The following TTLL4 variants were observed in gnomAD, a reference collection of about 807,000 sequenced individuals.
The protein encoded by TTLL4 is tubulin tyrosine ligase like 4, also known as tubulin monoglutamylase TTLL4.
Under a neutral mutation model 122.7 loss-of-function variants are expected in TTLL4, and 85 were observed. The ratio of observed to expected loss-of-function variants is 0.69; its 90% CI spans 0.58 to 0.83. TTLL4 has a LOEUF of 0.83. TTLL4 is among the 40% of genes least tolerant of loss of function. The pLI is 0.00. For missense variants in TTLL4, 1,363 were observed against 1,488.6 expected (o/e 0.92, Z 1.39); for synonymous variants, 553 against 563.0 (o/e 0.98, Z 0.25).
intron 1 of TTLL4, among the ~76,000 whole-genome samples, chr2:218,726,737 GAT>G (rs1218017901): frequency 1.3e-5 from 2 of 152,080 alleles, no homozygotes; most frequent in Admixed American, 6.5e-5. Flanking sequence ...AAAGTGCTGG[GAT>G]TATAGGCGTG....
intron 1 of TTLL4, among the ~76,000 whole-genome samples, chr2:218,719,523 C>T (rs1184771029): frequency 6.7e-6 from 1 of 148,660 alleles, no homozygotes; most frequent in Non-Finnish European, 1.5e-5. Context: ...AAGACCAGCG[C>T]AGTTCACATA....
chr2:218,749,278 C>G lies in TTLL4; in HGVS notation c.2626C>G (p.Leu876Val). 3 of 1,614,182 alleles carry G rather than the reference C, an allele frequency of 1.9e-6. No individual in the cohort carries two copies. Among genetic ancestry groups the G allele is most frequent in the Non-Finnish European group, 2.5e-6 (3 of 1,180,034 alleles). Residue 876 changes from leucine to valine, a missense_variant, in exon 14 of 20, where the codon CTC (leucine) becomes GTC (valine). By Grantham distance (32) the Leu-to-Val change is conservative. This residue lies in a region of TTLL4 where 596 missense variants were observed against 655.8 expected (regional missense o/e 0.91). Coordinates refer to ENST00000392102, the MANE Select transcript of TTLL4 (RefSeq NM_014640.5). ...ISSEPYVTSL[L>V]KMYVRRPYSC... ...GTCAGAGCCCTATGTGACCAGCCTG[C>G]TCAAGATGTATGTGCGACGGCCCTA... is the stretch of plus-strand genomic sequence containing the variant.
At chr2:218,731,492 A>C (rs964127467) in intron 2 of TTLL4, among the ~76,000 whole-genome samples, 1 of 151,958 alleles carries the variant, frequency 6.6e-6, no homozygotes. Context: ...GTCCTCGCTG[A>C]AGTTTTGTAG....
In TTLL4 at chr2:218,755,123, C is replaced by T. The variant is rs1943126185; in HGVS notation, c.*734C>T. 1 of 152,268 alleles carries T rather than the reference C, an allele frequency of 6.6e-6. No individual in the cohort carries two copies. The highest frequency in any genetic ancestry group is 2.1e-4 in the South Asian group (1 of 4,836). 9.4% of individuals were successfully genotyped at this position (152,268 alleles called of 1,614,324 possible). A position where few individuals can be genotyped will look rare whatever the true frequency, so the allele number is the denominator to read the frequency against. On this transcript the variant is annotated 3_prime_UTR_variant, in exon 20 of 20. Coordinates refer to ENST00000392102, the MANE Select transcript of TTLL4 (RefSeq NM_014640.5). ...GGGTCTATGAACTTTGTGAATTTCC[C>T]ATGGCCCCAGTGAAGGAGCCCAGAT...
At chr2:218,735,775 C>T (rs545608911) in intron 2 of TTLL4, among the ~76,000 whole-genome samples, 5 of 151,376 alleles carry the variant, frequency 3.3e-5, no homozygotes, top group South Asian at 2.1e-4. Context: ...CGAGGTCAAG[C>T]GATTCTCCTG....
chr2:218,712,409 CAG>C (rs1941736306), intron 1 of TTLL4, among the ~76,000 whole-genome samples: 1 of 147,330 alleles, frequency 6.8e-6, no homozygotes, highest in African/African-American at 2.5e-5. Flanking sequence ...TTTTTTGAGA[CAG>C]AGTCTTGCTC....
In TTLL4 at chr2:218,747,531, G is replaced by A. The variant is rs1215314997; in HGVS notation, c.2250-66G>A. The A allele has an allele frequency of 3.7e-5, 59 of 1,594,388 alleles. No individual in the cohort carries two copies. Among genetic ancestry groups the A allele is most frequent in the Non-Finnish European group, 4.7e-5 (55 of 1,169,914 alleles). Reference sequence around the variant, plus strand: ...TGGGGACTGTTAGCTGGCTTTTCCTGTGGCTTGGTTACCCACTGAGCCCCA... The same window carrying A: ...TGGGGACTGTTAGCTGGCTTTTCCTATGGCTTGGTTACCCACTGAGCCCCA... On this transcript the variant is annotated intron_variant, in intron 10 of 19. Coordinates refer to ENST00000392102, the MANE Select transcript of TTLL4 (RefSeq NM_014640.5). The surrounding 1 kb of genome is among the most constrained non-coding windows in gnomAD (Gnocchi z 4.7).
intron 1 of TTLL4, among the ~76,000 whole-genome samples, chr2:218,717,574 T>TC (rs1941900263): frequency 6.6e-6 from 1 of 152,230 alleles, no homozygotes; most frequent in Admixed American, 6.5e-5. Context: ...TAAACTGTGC[T>TC]CTACAAGAGC....
chr2:218,714,523 CCTTTT>C (rs1316090881), intron 1 of TTLL4, among the ~76,000 whole-genome samples: 1 of 152,102 alleles, frequency 6.6e-6, no homozygotes, highest in Non-Finnish European at 1.5e-5. Flanking sequence ...TTACTTCTTA[CCTTTT>C]CTTCTGGCAG....
At chr2:218,753,702 G>T in intron 19 of TTLL4, 33 bp downstream of exon 19, 1 of 1,609,198 alleles carries the variant, frequency 6.2e-7, no homozygotes, top group Non-Finnish European at 8.5e-7. Flanking sequence ...AGGGGCTGCT[G>T]GCTGTGAGTT....
chr2:218,748,759 CTCT>C (rs1364849613), intron 12 of TTLL4, 74 bp from the exon 13 acceptor site: 11 of 1,264,346 alleles, frequency 8.7e-6, no homozygotes, highest in Admixed American at 2.0e-5. Context: ...ACCATTAGGT[CTCT>C]TCTTCGTTTT....
chr2:218,749,482 T>TC (rs1942957390), intron 14 of TTLL4, 95 bp downstream of exon 14: 3 of 1,474,906 alleles, frequency 2.0e-6, no homozygotes, highest in South Asian at 2.7e-5. Flanking sequence ...TTTTTTTTTT[T>TC]CTTTGAGATG....
In TTLL4 at chr2:218,745,753, A is replaced by C. The variant is rs777544947; in HGVS notation, c.1849A>C (p.Asn617His). Residue 617 changes from asparagine (N) to histidine (H), a missense_variant, in exon 7 of 20, where the codon AAC (asparagine) becomes CAC (histidine). Physicochemically the swap from Asn to His is moderately conservative, Grantham distance 68. Coordinates refer to ENST00000392102, the MANE Select transcript of TTLL4 (RefSeq NM_014640.5). Reference protein sequence around the residue: ...LRWKMSTVTPNIVKQTIGRSH... With the variant: ...LRWKMSTVTPHIVKQTIGRSH... ...ATGGAAGATGAGCACAGTGACCCCC[A>C]ACATTGTCAAGCAGACCATTGGACG... 3 of 1,613,428 alleles carry C rather than the reference A, an allele frequency of 1.9e-6. 1 individual carries two copies. In the South Asian group the frequency reaches 3.3e-5, roughly 18 times the overall value.
chr2:218,734,169 T>G (rs764637977), intron 2 of TTLL4, among the ~76,000 whole-genome samples: 1 of 152,236 alleles, frequency 6.6e-6, no homozygotes, highest in Non-Finnish European at 1.5e-5. Context: ...GGAAAGTTAC[T>G]TAACTTTTCT....
intron 2 of TTLL4, among the ~76,000 whole-genome samples, chr2:218,735,503 G>A (rs545350540): frequency 4.6e-5 from 7 of 152,286 alleles, no homozygotes; most frequent in Admixed American, 3.9e-4. Flanking sequence ...GAGTCCAGGA[G>A]TCTGAGGCTG....
intron 1 of TTLL4, among the ~76,000 whole-genome samples, chr2:218,725,114 C>T (rs1254020061): frequency 6.6e-6 from 1 of 152,068 alleles, no homozygotes; most frequent in African/African-American, 2.4e-5. Context: ...GCTATGTTTC[C>T]CAGGCTGGTC....
chr2:218,746,348 G>A, intron 8 of TTLL4, 117 bp downstream of exon 8: 3 of 1,140,288 alleles, frequency 2.6e-6, no homozygotes, highest in Non-Finnish European at 3.9e-6. Flanking sequence ...GAGAAGTCAG[G>A]AAGGTGTACA....
downstream of TTLL4, among the ~76,000 whole-genome samples, chr2:218,756,798 G>T (rs1188679140): frequency 6.6e-6 from 1 of 152,220 alleles, no homozygotes; most frequent in African/African-American, 2.4e-5. Context: ...GGAATGAAGT[G>T]CAGGCTATTT....
downstream of TTLL4, among the ~76,000 whole-genome samples, chr2:218,755,751 G>A (rs901911411): frequency 1.3e-5 from 2 of 152,150 alleles, no homozygotes; most frequent in African/African-American, 4.8e-5. Context: ...TCTCACCCTG[G>A]ACTGTAGCTG....
Sources: allele counts gnomAD v4.1 joint callset (sites outside exome capture counted in the v4.1 genomes callset), GRCh38; gene constraint gnomAD v4.1.1; regional missense constraint gnomAD v4.1.1; non-coding constraint Gnocchi (gnomAD v3.1); transcripts MANE v1.5; gene names NCBI Gene and HGNC (gene_info 2026-07-23, HGNC 2026-07-21).